Variants in VWA3B observed in about 807,000 individuals in gnomAD.
VWA3B encodes von Willebrand factor A domain containing 3B.
VWA3B carries 138 observed loss-of-function variants against 158.3 expected under a neutral mutation model. That is an observed-to-expected ratio of 0.87 (90% CI 0.76 to 1.00). The LOEUF is 1.00. Among genes scored for constraint, VWA3B ranks in the 50% least tolerant of loss-of-function variants. VWA3B has a pLI of 0.00. For synonymous variants in VWA3B, 596 were observed against 587.3 expected, an observed-to-expected ratio of 1.01 and a Z score of -0.21; for missense variants, 1,555 against 1,565.1, an observed-to-expected ratio of 0.99 and a Z score of 0.11.
intron 13 of VWA3B, among the ~76,000 whole-genome samples, chr2:98,215,480 C>G (rs1210022752): frequency 6.6e-6 from 1 of 151,488 alleles, no homozygotes; most frequent in Non-Finnish European, 1.5e-5. Context: ...AAGATGGAGT[C>G]AGAAATGTGC....
intron 23 of VWA3B, among the ~76,000 whole-genome samples, chr2:98,295,744 C>G (rs62155292): frequency 0.039 from 5,939 of 152,324 alleles, 169 homozygotes; most frequent in Middle Eastern, 0.075. Flanking sequence ...CAGAGAGAAA[C>G]TATAGGGTAA....
At chr2:98,204,956 C>A (rs745976024) in intron 12 of VWA3B, among the ~76,000 whole-genome samples, 4 of 152,124 alleles carry the variant, frequency 2.6e-5, no homozygotes, top group Non-Finnish European at 5.9e-5. Flanking sequence ...ACTTAACATA[C>A]AAAAACTAGC....
At chr2:98,304,133 C>G (rs1199512759) in intron 26 of VWA3B, among the ~76,000 whole-genome samples, 1 of 152,190 alleles carries the variant, frequency 6.6e-6, no homozygotes, top group African/African-American at 2.4e-5. Flanking sequence ...CACCTACCTA[C>G]CTCTCCCCTT....
chr2:98,192,047 T>C (rs979447662), intron 10 of VWA3B, among the ~76,000 whole-genome samples: 4 of 152,236 alleles, frequency 2.6e-5, no homozygotes, highest in Non-Finnish European at 5.9e-5. Context: ...CCTTGGTTAT[T>C]ACAGAGCTCT....
chr2:98,102,277 A>G (rs1365847660), intron 2 of VWA3B, among the ~76,000 whole-genome samples: 2 of 152,238 alleles, frequency 1.3e-5, no homozygotes, highest in African/African-American at 2.4e-5. Flanking sequence ...ACTTCTTTCT[A>G]CACAGACACA....
intron 8 of VWA3B, among the ~76,000 whole-genome samples, chr2:98,173,304 A>G (rs2105308612): frequency 6.6e-6 from 1 of 152,288 alleles, no homozygotes; most frequent in East Asian, 1.9e-4. Flanking sequence ...CAGAACTCAC[A>G]TTTTCTTCAG....
intron 7 of VWA3B, 47 bp from the exon 8 acceptor site, chr2:98,162,804 C>T (rs748332844): frequency 1.6e-5 from 25 of 1,607,034 alleles, no homozygotes; most frequent in East Asian, 6.7e-5. Context: ...CTGCCACATT[C>T]CTGGGCCTGT....
intron 13 of VWA3B, among the ~76,000 whole-genome samples, chr2:98,212,913 A>G (rs1683656141): frequency 1.3e-5 from 2 of 152,168 alleles, no homozygotes; most frequent in South Asian, 4.1e-4. Context: ...TATAAAGATG[A>G]GTAACAGCTC....
At chr2:98,316,425 T>C (rs561674315), downstream of VWA3B, among the ~76,000 whole-genome samples, 4 of 152,202 alleles carry the variant, frequency 2.6e-5, no homozygotes, top group South Asian at 8.3e-4. Flanking sequence ...GGTGGATCAT[T>C]TGAGCTCAGA....
chr2:98,324,086 T>C, the VWA3B span, among the ~76,000 whole-genome samples: 1 of 151,626 alleles, frequency 6.6e-6, no homozygotes, highest in African/African-American at 2.4e-5. Flanking sequence ...TCTTAGAGTA[T>C]ACAGAGAGAA....
chr2:98,192,193 A>G (rs1681643903), intron 10 of VWA3B: 1 of 152,432 alleles, frequency 6.6e-6, no homozygotes, highest in African/African-American at 2.4e-5. Flanking sequence ...ATATCAGATG[A>G]CTAGAAGTAA....
chr2:98,094,401 T>C (rs891709173), intron 2 of VWA3B, among the ~76,000 whole-genome samples: 2 of 152,224 alleles, frequency 1.3e-5, no homozygotes, highest in Non-Finnish European at 2.9e-5. Flanking sequence ...TGAGCATTTT[T>C]TTCATATACC....
intron 26 of VWA3B, among the ~76,000 whole-genome samples, chr2:98,305,320 C>T (rs763593786): frequency 6.6e-6 from 1 of 152,164 alleles, no homozygotes; most frequent in Non-Finnish European, 1.5e-5. Context: ...TTTCTGAAAG[C>T]CCCCAGCTGG....
intron 2 of VWA3B, among the ~76,000 whole-genome samples, chr2:98,103,518 A>AT (rs1047049177): frequency 1.3e-5 from 2 of 151,676 alleles, no homozygotes; most frequent in African/African-American, 4.8e-5. Context: ...TTCCCTTGTG[A>AT]TTTTTTTTCT....
intron 21 of VWA3B, among the ~76,000 whole-genome samples, chr2:98,258,600 A>G (rs1299426987): frequency 6.6e-6 from 1 of 151,740 alleles, no homozygotes; most frequent in African/African-American, 2.4e-5. Flanking sequence ...GGGTGCTATT[A>G]TAAATGGGAT....
intron 22 of VWA3B, among the ~76,000 whole-genome samples, chr2:98,287,360 A>G (rs1440995499): frequency 6.6e-6 from 1 of 152,108 alleles, no homozygotes; most frequent in African/African-American, 2.4e-5. Context: ...GAATCCTTAA[A>G]TAGATTTTAC....
chr2:98,248,194 T>A (rs1294493080), intron 19 of VWA3B, among the ~76,000 whole-genome samples: 1 of 152,170 alleles, frequency 6.6e-6, no homozygotes, highest in Non-Finnish European at 1.5e-5. Context: ...AACAACCTAA[T>A]AATAAATAAA....
rs114580960 is a variant in VWA3B at position 98,264,599 on chromosome 2, C to A, written c.2844-6083C>A. Among the ~76,000 whole-genome samples, 1,048 of 152,084 alleles carry A rather than the reference C, an allele frequency of 6.9e-3. 8 individuals are homozygous for A. The highest frequency in any genetic ancestry group is 0.012 in the Non-Finnish European group (840 of 67,958). On this transcript the variant is annotated intron_variant, in intron 21 of 27. Coordinates refer to ENST00000477737, the MANE Select transcript of VWA3B (RefSeq NM_144992.5). ...GAAAAAATACTTTGCTTTCAACTTT[C>A]TTTTTTTAAATATTTGTTTTGTGGC...
intron 21 of VWA3B, among the ~76,000 whole-genome samples, chr2:98,258,998 T>C (rs1687322693): frequency 6.6e-6 from 1 of 151,722 alleles, no homozygotes; most frequent in Non-Finnish European, 1.5e-5. Context: ...TTTTGTCAAG[T>C]GCTTTTTTCT....
Sources: allele counts gnomAD v4.1 joint callset (sites outside exome capture counted in the v4.1 genomes callset), GRCh38; gene constraint gnomAD v4.1.1; transcripts MANE v1.5; gene names NCBI Gene and HGNC (gene_info 2026-07-23, HGNC 2026-07-21).